Variants in NTRK2 observed in about 807,000 individuals in gnomAD.
NTRK2 encodes the protein BDNF/NT-3 growth factors receptor.
NTRK2 carries 13 observed loss-of-function variants against 94.5 expected under a neutral mutation model. The observed-to-expected ratio is 0.14, with a 90% CI of 0.09 to 0.22. The LOEUF (loss-of-function observed/expected upper bound fraction) is 0.22. Among genes scored for constraint, NTRK2 ranks in the 10% least tolerant of loss-of-function variants. The pLI is 1.00. For synonymous variants in NTRK2, 372 were observed against 407.4 expected, an observed-to-expected ratio of 0.91 and a Z score of 1.05; for missense variants, 639 against 1,071.2, an observed-to-expected ratio of 0.60 and a Z score of 5.63.
At chr9:84,977,364 C>A (rs2133196038) in intron 17 of NTRK2, among the ~76,000 whole-genome samples, 1 of 152,206 alleles carries the variant, frequency 6.6e-6, no homozygotes, top group East Asian at 1.9e-4. Flanking sequence ...TTTTAAATAG[C>A]AAAATCACCA....
intron 12 of NTRK2, chr9:84,814,992 T>A (rs189744958): frequency 9.4e-7 from 1 of 1,059,856 alleles, no homozygotes; most frequent in East Asian, 5.1e-5. Flanking sequence ...GATTAAGGAC[T>A]CTTTTGGACA....
At chr9:84,844,081 G>A (rs1457935720) in intron 12 of NTRK2, among the ~76,000 whole-genome samples, 1 of 152,230 alleles carries the variant, frequency 6.6e-6, no homozygotes, top group East Asian at 1.9e-4. Flanking sequence ...GAGGAGTTTG[G>A]ATTCTAAGGC....
chr9:84,722,254 G>A (rs1425674618), intron 6 of NTRK2, among the ~76,000 whole-genome samples: 1 of 150,676 alleles, frequency 6.6e-6, no homozygotes, highest in Non-Finnish European at 1.5e-5. Flanking sequence ...TGGAAGGGGG[G>A]GTCTCACTAG....
Position 84,742,008 on chromosome 9 carries a change from T to G in NTRK2, c.1195+81T>G. On this transcript the variant is annotated intron_variant, in intron 10 of 18. Transcript: ENST00000277120. Reference sequence around the variant, plus strand: ...AAGTAAATCAACTGAAAGAAGACTCTTCTAAGCTCAGTTAAATTTACACTT... The same window carrying G: ...AAGTAAATCAACTGAAAGAAGACTCGTCTAAGCTCAGTTAAATTTACACTT... 3.2e-6 allele frequency: 4 copies of G among 1,236,660 alleles called. No homozygotes were observed. The Admixed American group carries it at 7.4e-5, about 23-fold the overall frequency. The allele number at this position is 1,236,660 out of a possible 1,614,324, so 76.6% of individuals were successfully genotyped here.
At chr9:84,774,035 G>A (rs958858776) in intron 12 of NTRK2, among the ~76,000 whole-genome samples, 1 of 152,114 alleles carries the variant, frequency 6.6e-6, no homozygotes, top group Non-Finnish European at 1.5e-5. Context: ...GTGCCTTCCT[G>A]CCCTCCCCTA....
At chr9:84,875,911 A>T in intron 14 of NTRK2, 1 of 1,037,482 alleles carries the variant, frequency 9.6e-7, no homozygotes, top group Non-Finnish European at 1.2e-6. Flanking sequence ...TATAAAAATG[A>T]GTTCAAATGA....
chr9:84,825,472 T>A (rs575574156), intron 12 of NTRK2, among the ~76,000 whole-genome samples: 1 of 152,272 alleles, frequency 6.6e-6, no homozygotes, highest in Non-Finnish European at 1.5e-5. Context: ...TTTGACCCTC[T>A]TCCTCCCACC....
chr9:84,795,340 C>G (rs2069180597), intron 12 of NTRK2, among the ~76,000 whole-genome samples: 1 of 152,168 alleles, frequency 6.6e-6, no homozygotes, highest in South Asian at 2.1e-4. Flanking sequence ...TCCCGTGTAC[C>G]CCTCATCCCA....
At chr9:84,981,275 T>TC (rs939137460) in intron 17 of NTRK2, among the ~76,000 whole-genome samples, 18 of 149,708 alleles carry the variant, frequency 1.2e-4, no homozygotes, top group African/African-American at 2.5e-4. Context: ...GTTTTTTTTT[T>TC]ATGTTTAGTA....
chr9:84,888,881 T>G (rs2076503097), intron 14 of NTRK2, among the ~76,000 whole-genome samples: 1 of 151,490 alleles, frequency 6.6e-6, no homozygotes, highest in Non-Finnish European at 1.5e-5. Context: ...AAATCACAAG[T>G]CACACAACCT....
At chr9:84,977,402 A>T (rs1280047429) in intron 17 of NTRK2, among the ~76,000 whole-genome samples, 1 of 152,216 alleles carries the variant, frequency 6.6e-6, no homozygotes, top group African/African-American at 2.4e-5. Context: ...GCAAAAAAAC[A>T]TGGTTCTAAA....
intron 12 of NTRK2, among the ~76,000 whole-genome samples, chr9:84,782,606 G>A (rs919785464): frequency 2.0e-5 from 3 of 152,160 alleles, no homozygotes; most frequent in Admixed American, 6.5e-5. Flanking sequence ...TACTTAATGG[G>A]CTGAATCACC....
rs1331739016 is a variant in NTRK2, at chr9:85,022,145, C to A, written c.*708C>A. On this transcript the variant is annotated 3_prime_UTR_variant, in exon 19 of 19. Transcript: ENST00000277120. ...GAGGAACAAAGACAACCACTGGGAT[C>A]AGCTGGTGTCAGTCCCTACTTAGGA... 8.6e-6 allele frequency: 2 copies of A among 233,250 alleles called. No homozygotes were observed. Among genetic ancestry groups the A allele is most frequent in the African/African-American group, 2.2e-5 (1 of 45,336 alleles). 14.4% of individuals were successfully genotyped at this position (233,250 alleles called of 1,614,324 possible).
At chr9:84,705,815 G>A (rs1029334752) in intron 4 of NTRK2, among the ~76,000 whole-genome samples, 2 of 133,172 alleles carry the variant, frequency 1.5e-5, no homozygotes, top group East Asian at 2.3e-4. Flanking sequence ...TAAAGAAGGA[G>A]TCTTGCTGTT....
intron 9 of NTRK2, among the ~76,000 whole-genome samples, chr9:84,738,458 C>G (rs2063405793): frequency 6.6e-6 from 1 of 152,102 alleles, no homozygotes; most frequent in Non-Finnish European, 1.5e-5. Flanking sequence ...TTAAAAATGG[C>G]AAGACATTTT....
chr9:84,794,039 C>T (rs2069009522), intron 12 of NTRK2, among the ~76,000 whole-genome samples: 1 of 152,152 alleles, frequency 6.6e-6, no homozygotes, highest in Admixed American at 6.5e-5. Flanking sequence ...TTTGTACAAG[C>T]TCAAGCTGCC....
At chr9:84,750,676 C>A (rs2064511766) in intron 11 of NTRK2, among the ~76,000 whole-genome samples, 1 of 152,214 alleles carries the variant, frequency 6.6e-6, no homozygotes, top group South Asian at 2.1e-4. Context: ...TTAGTTGCGA[C>A]AGAGACTGCA....
intron 14 of NTRK2, chr9:84,872,074 G>A: frequency 7.3e-7 from 1 of 1,369,072 alleles, no homozygotes; most frequent in Non-Finnish European, 9.5e-7. Context: ...CAATCAGGAT[G>A]GCAAGATGGA....
At chr9:84,941,251 G>A (rs1324208114) in intron 15 of NTRK2, among the ~76,000 whole-genome samples, 1 of 152,202 alleles carries the variant, frequency 6.6e-6, no homozygotes, top group African/African-American at 2.4e-5. Context: ...ATGCATGCAT[G>A]CATGCAGGAG....
Sources: gnomAD v4.1 joint callset for allele counts (sites outside exome capture counted in the v4.1 genomes callset) on GRCh38, gnomAD v4.1.1 for gene constraint, MANE v1.5 for transcripts, NCBI Gene and HGNC (gene_info 2026-07-23, HGNC 2026-07-21) for gene names.